The following ITPRID1 variants were observed in gnomAD, a reference collection of about 807,000 sequenced individuals.
ITPRID1 encodes the protein ITPR interacting domain containing 1.
In ITPRID1, 96 loss-of-function variants were observed where a neutral mutation model predicts 95.4. The ratio of observed to expected loss-of-function variants is 1.01; its 90% CI spans 0.85 to 1.19. The LOEUF (loss-of-function observed/expected upper bound fraction) is 1.19. Among genes scored for constraint, ITPRID1 ranks in the 50% most tolerant of loss-of-function variants. The pLI is 0.00. For synonymous variants in ITPRID1, 510 were observed against 453.6 expected (o/e 1.12, Z -1.58); for missense variants, 1,339 against 1,252.9 (o/e 1.07, Z -1.04).
Position 31,652,539 on chromosome 7 carries a change from G to A in ITPRID1, c.2845G>A (p.Glu949Lys), listed in dbSNP as rs921156846. 1 of 1,603,598 alleles carries A rather than the reference G, an allele frequency of 6.2e-7. No homozygotes were observed. Among genetic ancestry groups the A allele is most frequent in the Non-Finnish European group, 8.5e-7 (1 of 1,174,396 alleles). ...TTAGCAGCTGGAGGTTCTCACAGCA[G>A]AGCCACCTGAACACTATTCAAATCT... The part of the protein sequence containing the change: ...ILLQLEVLTA[E>K]PPEHYSNLHQ... The change falls in exon 15 of 15, where the codon GAG becomes AAG. Residue 949 changes from glutamate (E) to lysine (K), a missense_variant. Physicochemically the swap from Glu to Lys is moderately conservative, Grantham distance 56 (BLOSUM62 1). Transcript: ENST00000615280.
chr7:31,519,070 CTG>C (rs1783134599), intron 1 of ITPRID1, among the ~76,000 whole-genome samples: 1 of 152,154 alleles, frequency 6.6e-6, no homozygotes, highest in African/African-American at 2.4e-5. Context: ...TATGAGAAAA[CTG>C]TGGCAGTGAC....
At chr7:31,646,752 C>T (rs536886675) in intron 12 of ITPRID1, among the ~76,000 whole-genome samples, 14 of 152,254 alleles carry the variant, frequency 9.2e-5, no homozygotes, top group African/African-American at 3.1e-4. Context: ...CAGTAACTGT[C>T]CTCAGACGTG....
chr7:31,575,726 C>A (rs575067053), intron 8 of ITPRID1, among the ~76,000 whole-genome samples: 4 of 152,114 alleles, frequency 2.6e-5, no homozygotes, highest in Non-Finnish European at 5.9e-5. Flanking sequence ...CAAATAAATT[C>A]TTTTAAATAA....
intron 6 of ITPRID1, among the ~76,000 whole-genome samples, chr7:31,571,731 CG>C (rs1240425401): frequency 6.6e-6 from 1 of 152,186 alleles, no homozygotes; most frequent in Non-Finnish European, 1.5e-5. Context: ...ACTTCAGTGA[CG>C]GCTGGCTGTA....
chr7:31,644,299 T>A (rs1466903441), intron 12 of ITPRID1, among the ~76,000 whole-genome samples: 1 of 152,178 alleles, frequency 6.6e-6, no homozygotes, highest in Admixed American at 6.5e-5. Context: ...AGAAGTTCTG[T>A]GTCTTAAATT....
At chr7:31,647,341 T>C (rs1790554337) in intron 12 of ITPRID1, among the ~76,000 whole-genome samples, 1 of 151,956 alleles carries the variant, frequency 6.6e-6, no homozygotes, top group East Asian at 1.9e-4. Context: ...CAAGTGAAGA[T>C]TATAAGCAGA....
chr7:31,554,307 G>A (rs763269323), intron 3 of ITPRID1, 168 bp from the exon 4 acceptor site: 9 of 1,250,146 alleles, frequency 7.2e-6, no homozygotes, highest in Non-Finnish European at 8.3e-6. Flanking sequence ...GGCTGATCAT[G>A]GAAAACAGGA....
rs543488095 is a variant in ITPRID1, at chr7:31,591,859, G to A, written c.1228+8668G>A. On this transcript the variant is annotated intron_variant, in intron 10 of 14. Transcript: ENST00000615280. ...ATAAATAACTGTTGTAACAAAAATG[G>A]TAGTTACTAAATTCAGGCACCTCAG... Among the ~76,000 whole-genome samples the A allele has an allele frequency of 1.8e-3, 273 of 152,154 alleles. 1 individual carries two copies. The highest frequency in any genetic ancestry group is 6.1e-3 in the African/African-American group (253 of 41,504).
At position 31,552,158 on chromosome 7, in the gene ITPRID1, G is replaced by A. The variant is rs1784302710; in HGVS notation, c.-23-844G>A. ...CTAGTTTTACAGGTTGTTCATGAAG[G>A]TCAAGTTAAATAATGGGGGCAGCTG... On this transcript the variant is annotated intron_variant, in intron 2 of 14. Coordinates refer to ENST00000615280, the MANE Select transcript of ITPRID1 (RefSeq NM_001257967.3). Among the ~76,000 whole-genome samples, 2 of 143,002 alleles carry A rather than the reference G, an allele frequency of 1.4e-5. 1 individual carries two copies. The allele number at this position is 143,002 out of a possible 152,430, so 93.8% of individuals were successfully genotyped here. A position where few individuals can be genotyped will look rare whatever the true frequency, so the allele number is the denominator to read the frequency against.
intron 1 of ITPRID1, among the ~76,000 whole-genome samples, chr7:31,544,559 A>ACC (rs918869887): frequency 7.9e-5 from 12 of 151,594 alleles, no homozygotes; most frequent in African/African-American, 2.9e-4. Context: ...CTTTTTTTAT[A>ACC]CCCCCCTCAA....
intron 10 of ITPRID1, among the ~76,000 whole-genome samples, chr7:31,585,940 T>C (rs1261963148): frequency 2.0e-5 from 3 of 149,268 alleles, no homozygotes; most frequent in East Asian, 3.9e-4. Flanking sequence ...CTGCACCCAC[T>C]AACTCGTCAT....
chr7:31,634,983 C>T (rs1180303099), intron 10 of ITPRID1, among the ~76,000 whole-genome samples: 1 of 152,064 alleles, frequency 6.6e-6, no homozygotes, highest in African/African-American at 2.4e-5. Flanking sequence ...TGGGATTGGC[C>T]AGGCGTGCTG....
intron 1 of ITPRID1, among the ~76,000 whole-genome samples, chr7:31,533,941 C>T (rs923792678): frequency 1.1e-4 from 17 of 152,126 alleles, no homozygotes; most frequent in Non-Finnish European, 2.4e-4. Context: ...ACAAACCAGG[C>T]GACCCAGCAG....
At chr7:31,530,486 A>G (rs1312914987) in intron 1 of ITPRID1, among the ~76,000 whole-genome samples, 4 of 152,304 alleles carry the variant, frequency 2.6e-5, no homozygotes, top group Admixed American at 6.5e-5. Context: ...GGGTATAAGT[A>G]TATCCCAAAT....
At chr7:31,634,702 G>A (rs1478702279) in intron 10 of ITPRID1, among the ~76,000 whole-genome samples, 4 of 152,212 alleles carry the variant, frequency 2.6e-5, no homozygotes, top group African/African-American at 9.6e-5. Flanking sequence ...GAAAAAAATT[G>A]TGCAGGGCTT....
chr7:31,556,304 T>C (rs1273005269), intron 5 of ITPRID1, among the ~76,000 whole-genome samples: 1 of 152,192 alleles, frequency 6.6e-6, no homozygotes, highest in Non-Finnish European at 1.5e-5. Context: ...TTAATAAAAA[T>C]GGAATAGCTT....
chr7:31,561,559 T>C (rs761569168), intron 5 of ITPRID1, among the ~76,000 whole-genome samples: 9 of 152,350 alleles, frequency 5.9e-5, no homozygotes, highest in East Asian at 5.8e-4. Context: ...TTTCAATAAC[T>C]GCAAAAGGTT....
intron 10 of ITPRID1, among the ~76,000 whole-genome samples, chr7:31,614,668 G>A (rs1420193612): frequency 6.6e-6 from 1 of 152,120 alleles, no homozygotes. Context: ...GTTTTTAAAG[G>A]TTATAAAAAA....
chr7:31,631,763 TC>T (rs1014387744), intron 10 of ITPRID1, among the ~76,000 whole-genome samples: 1 of 152,186 alleles, frequency 6.6e-6, no homozygotes, highest in Non-Finnish European at 1.5e-5. Flanking sequence ...TGGAAGTAAT[TC>T]AAATGTTACG....
Sources: allele counts gnomAD v4.1 joint callset (sites outside exome capture counted in the v4.1 genomes callset), GRCh38; gene constraint gnomAD v4.1.1; transcripts MANE v1.5; gene names NCBI Gene and HGNC (gene_info 2026-07-23, HGNC 2026-07-21).